Variants in HEATR4 observed in about 807,000 individuals in gnomAD.
HEATR4 encodes the protein HEAT repeat containing 4, also known as HEAT repeat-containing protein 4.
HEATR4 carries 95 observed loss-of-function variants against 108.8 expected under a neutral mutation model. That is an observed-to-expected ratio of 0.87 (90% CI 0.74 to 1.04). The LOEUF is 1.04. Ranked by LOEUF, HEATR4 falls within the 50% of genes least tolerant of loss-of-function variation. The probability of loss-of-function intolerance (pLI) is 0.00; values close to 1 mark genes in which losing one functional copy is unlikely to be tolerated. For synonymous variants in HEATR4, 443 were observed against 459.4 expected, an observed-to-expected ratio of 0.96 and a Z score of 0.46; for missense variants, 1,152 against 1,253.8, an observed-to-expected ratio of 0.92 and a Z score of 1.23.
chr14:73,631,983 C>T, the HEATR4 span: 3 of 158,514 alleles, frequency 1.9e-5, no homozygotes, highest in Admixed American at 6.3e-5. Flanking sequence ...AACAAGGTGG[C>T]GATCTCTCCA....
intron 10 of HEATR4, among the ~76,000 whole-genome samples, chr14:73,503,437 G>C (rs1886604701): frequency 6.6e-6 from 1 of 152,196 alleles, no homozygotes; most frequent in Non-Finnish European, 1.5e-5. Flanking sequence ...GGACAAACCA[G>C]AACAGTTGGT....
the HEATR4 span, among the ~76,000 whole-genome samples, chr14:73,583,857 G>A: frequency 2.6e-5 from 4 of 151,848 alleles, no homozygotes; most frequent in African/African-American, 7.3e-5. Context: ...AAAATTAGCC[G>A]GGTGTGGTGG....
chr14:73,515,080 AC>A (rs776470405), intron 5 of HEATR4, among the ~76,000 whole-genome samples: 1 of 146,798 alleles, frequency 6.8e-6, no homozygotes. Flanking sequence ...AAAAAAAAAA[AC>A]AAAAAAAAAA....
chr14:73,557,069 G>A (rs1400143631), intron 1 of HEATR4, among the ~76,000 whole-genome samples: 1 of 113,390 alleles, frequency 8.8e-6, no homozygotes, highest in African/African-American at 2.9e-5. Flanking sequence ...TGGCAGGTCC[G>A]GGGTCCTTTT....
At chr14:73,572,587 C>A in the HEATR4 span, among the ~76,000 whole-genome samples, 1 of 143,732 alleles carries the variant, frequency 7.0e-6, no homozygotes, top group Admixed American at 7.1e-5. Flanking sequence ...TGATGGTTTG[C>A]GGGTATCAGC....
At chr14:73,592,101 G>A in the HEATR4 span, 13 of 1,503,340 alleles carry the variant, frequency 8.6e-6, no homozygotes, top group Admixed American at 1.8e-4. Context: ...GCTCTTCCGG[G>A]CCCACGCGCG....
Position 73,492,274 on chromosome 14 carries a change from C to G in HEATR4, c.2844+792G>C, listed in dbSNP as rs534735274. 8 of 1,614,046 alleles carry G rather than the reference C, an allele frequency of 5.0e-6. No homozygotes were observed. ...ATGGAGTCCACTCTCTGCACCTCAC[C>G]TTGTCCACGTACCAGCGCAATACCT... is the stretch of plus-strand genomic sequence containing the variant. On this transcript the variant is annotated intron_variant, in intron 17 of 17. Transcript: ENST00000553558. This position sits in a 1 kb window ranked among gnomAD's most constrained non-coding sequence, Gnocchi z 4.9.
chr14:73,506,318 T>C (rs1886820296), intron 10 of HEATR4, 149 bp downstream of exon 10: 3 of 614,106 alleles, frequency 4.9e-6, no homozygotes, highest in South Asian at 1.9e-5. Context: ...CATTTGAAGA[T>C]AATTCTGGGC....
At chr14:73,570,976 CT>C in the HEATR4 span, among the ~76,000 whole-genome samples, 33 of 74,346 alleles carry the variant, frequency 4.4e-4, no homozygotes, top group Non-Finnish European at 5.0e-4. Flanking sequence ...TAGGAAGCCA[CT>C]TTTTTTTTTT....
At chr14:73,566,216 C>T in the HEATR4 span, among the ~76,000 whole-genome samples, 1 of 152,166 alleles carries the variant, frequency 6.6e-6, no homozygotes, top group South Asian at 2.1e-4. Context: ...AATCCCCTAG[C>T]TAGACATAAA....
intron 7 of HEATR4, among the ~76,000 whole-genome samples, chr14:73,510,314 A>G (rs1391831474): frequency 2.0e-5 from 3 of 152,186 alleles, no homozygotes; most frequent in African/African-American, 7.2e-5. Context: ...TCAACTAAAC[A>G]GTAAGGTTCA....
the HEATR4 span, among the ~76,000 whole-genome samples, chr14:73,622,898 GT>G: frequency 6.6e-6 from 1 of 151,662 alleles, no homozygotes; most frequent in African/African-American, 2.4e-5. Context: ...TTTTATAGTG[GT>G]TTTTTTGTTT....
intron 2 of HEATR4, among the ~76,000 whole-genome samples, chr14:73,529,810 A>G (rs532425548): frequency 1.1e-3 from 164 of 151,814 alleles, no homozygotes; most frequent in Non-Finnish European, 2.1e-3. Flanking sequence ...AGAAAAGACT[A>G]AAAAGCAATA....
intron 17 of HEATR4, among the ~76,000 whole-genome samples, chr14:73,479,441 T>TTCTTTCTTTC (rs762051418): frequency 2.4e-3 from 35 of 14,560 alleles, no homozygotes; most frequent in Non-Finnish European, 3.8e-3. Context: ...CTTTCTTTCT[T>TTCTTTCTTTC]TTTTTTTTTT....
chr14:73,560,223 T>C (rs1302117365), upstream of HEATR4, among the ~76,000 whole-genome samples: 1 of 152,112 alleles, frequency 6.6e-6, no homozygotes, highest in East Asian at 1.9e-4. Context: ...TTGACCCAGG[T>C]CATGCTATTC....
chr14:73,565,441 A>C, the HEATR4 span, among the ~76,000 whole-genome samples: 2 of 145,788 alleles, frequency 1.4e-5, no homozygotes, highest in East Asian at 4.0e-4. Context: ...GCTGGAGTGC[A>C]GTGGCCCAAT....
At chr14:73,490,781 G>A (rs576165788) in intron 17 of HEATR4, among the ~76,000 whole-genome samples, 28 of 152,366 alleles carry the variant, frequency 1.8e-4, no homozygotes, top group African/African-American at 6.5e-4. Context: ...ATTGCTCTCT[G>A]AGTGTAGATT....
chr14:73,593,924 T>C, the HEATR4 span: 2 of 1,589,472 alleles, frequency 1.3e-6, no homozygotes, highest in African/African-American at 1.3e-5. Context: ...ATGTCCTTTA[T>C]TTAATCAGTC....
In HEATR4 at chr14:73,508,264, T is replaced by C; in HGVS notation, c.1751A>G (p.Gln584Arg). The change falls in exon 9 of 18, where the codon CAG becomes CGG. Residue 584 changes from glutamine to arginine, a missense_variant. Physicochemically the swap from Gln to Arg is conservative, Grantham distance 43 (BLOSUM62 1). Transcript: ENST00000553558. ...AGCAGTACCTTCCAGAGCCAAGCAC[T>C]GAGCTGCAGCCCAGCTATCCACACT... ...GNSVDSWAAA[Q>R]CLALEGTATY... The C allele has an allele frequency of 6.2e-7, 1 of 1,613,998 alleles. No homozygotes were observed. Among genetic ancestry groups the C allele is most frequent in the Non-Finnish European group, 8.5e-7 (1 of 1,179,964 alleles).
Sources: allele counts gnomAD v4.1 joint callset (sites outside exome capture counted in the v4.1 genomes callset), GRCh38; gene constraint gnomAD v4.1.1; non-coding constraint Gnocchi (gnomAD v3.1); transcripts MANE v1.5; gene names NCBI Gene and HGNC (gene_info 2026-07-23, HGNC 2026-07-21).